BRD4: variants seen among roughly 807,000 people sequenced by gnomAD.
The protein encoded by BRD4 is bromodomain-containing protein 4.
Under a neutral mutation model 142.1 loss-of-function variants are expected in BRD4, and 16 were observed. The ratio of observed to expected loss-of-function variants is 0.11; its 90% CI spans 0.08 to 0.17. BRD4 has a LOEUF of 0.17. Ranked by LOEUF, BRD4 falls within the 10% of genes least tolerant of loss-of-function variation. BRD4 has a pLI of 1.00. For synonymous variants in BRD4, 833 were observed against 707.5 expected (o/e 1.18, Z -2.82); for missense variants, 1,424 against 1,810.9 (o/e 0.79, Z 3.88).
In BRD4 at chr19:15,276,592, C is replaced by G. The variant is rs1296622255; in HGVS notation, c.-34-3459G>C. Among the ~76,000 whole-genome samples, 4 of 152,174 alleles carry G rather than the reference C, an allele frequency of 2.6e-5. No homozygotes were observed. In the East Asian group the frequency reaches 7.7e-4, roughly 29 times the overall value. ...GGTCAGCCCCCTAGGAACCTGAAGG[C>G]AGGCTCATCTTTATTTCACTTTTAT... On this transcript the variant is annotated intron_variant, in intron 1 of 19. Coordinates refer to ENST00000679869, the MANE Select transcript of BRD4 (RefSeq NM_001379291.1).
chr19:15,317,879 G>A (rs536980893), intron 1 of BRD4, among the ~76,000 whole-genome samples: 39 of 152,328 alleles, frequency 2.6e-4, no homozygotes, highest in Non-Finnish European at 5.3e-4. Context: ...AGATGAACAC[G>A]AAGGTGGTAT....
rs879542484 is a variant in BRD4 at position 15,265,750 on chromosome 19, G to A, written c.560-107C>T. On this transcript the variant is annotated intron_variant, in intron 4 of 19. Transcript: ENST00000679869. Reference sequence around the variant, plus strand: ...CACAGTGAACGCACATTCGCGTGTTGCATTTGCCTGAGAGACGAACATCCC... The same window carrying A: ...CACAGTGAACGCACATTCGCGTGTTACATTTGCCTGAGAGACGAACATCCC... The A allele has an allele frequency of 2.0e-5, 24 of 1,224,476 alleles. No individual in the cohort carries two copies. In the African/African-American group the frequency reaches 3.1e-4, roughly 16 times the overall value. 75.9% of individuals were successfully genotyped at this position (1,224,476 alleles called of 1,614,324 possible).
intron 7 of BRD4, 143 bp downstream of exon 7, chr19:15,263,277 C>T: frequency 9.2e-7 from 1 of 1,091,828 alleles, no homozygotes; most frequent in Non-Finnish European, 1.3e-6. Flanking sequence ...ACTAGGCTGA[C>T]TTTAGGCACT....
intron 1 of BRD4, among the ~76,000 whole-genome samples, chr19:15,323,559 C>G (rs1038585911): frequency 6.6e-6 from 1 of 152,164 alleles, no homozygotes; most frequent in African/African-American, 2.4e-5. Flanking sequence ...ACTTTGAAGG[C>G]TAATCCACCC....
Position 15,236,177 on chromosome 19 carries a change from C to T in BRD4, c.*2200G>A, listed in dbSNP as rs1053080627. ...AAAAGAGGGGATGTAGGAGAATAAACAGTGCTAGAAATGTTTCAATCAGTT... is the reference window on the plus strand; with the variant it reads ...AAAAGAGGGGATGTAGGAGAATAAATAGTGCTAGAAATGTTTCAATCAGTT... On this transcript the variant is annotated 3_prime_UTR_variant, in exon 20 of 20. Coordinates refer to ENST00000679869, the MANE Select transcript of BRD4 (RefSeq NM_001379291.1). 6.6e-6 allele frequency: 1 copy of T among 152,170 alleles called. No individual in the cohort carries two copies. Among genetic ancestry groups the T allele is most frequent in the Non-Finnish European group, 1.5e-5 (1 of 68,046 alleles). The allele number at this position is 152,170 out of a possible 1,614,324, so 9.4% of individuals were successfully genotyped here.
chr19:15,244,843 C>A, intron 11 of BRD4, 81 bp from the exon 12 acceptor site: 1 of 1,606,956 alleles, frequency 6.2e-7, no homozygotes, highest in Non-Finnish European at 8.5e-7. Flanking sequence ...GACGAGAAAA[C>A]AGGGCACTTT....
At chr19:15,264,253 G>C in intron 6 of BRD4, 151 bp downstream of exon 6, 2 of 1,042,720 alleles carry the variant, frequency 1.9e-6, no homozygotes, top group Non-Finnish European at 2.7e-6. Flanking sequence ...GACAGCAGGG[G>C]GCGCTGAGTT....
At chr19:15,317,566 A>G (rs538336330) in intron 1 of BRD4, among the ~76,000 whole-genome samples, 8 of 152,308 alleles carry the variant, frequency 5.3e-5, no homozygotes, top group Admixed American at 2.0e-4. Flanking sequence ...CAGAGTCAAC[A>G]AAGATAAGGA....
intron 1 of BRD4, among the ~76,000 whole-genome samples, chr19:15,312,893 G>A (rs1238982894): frequency 4.0e-5 from 6 of 151,468 alleles, no homozygotes; most frequent in Non-Finnish European, 7.4e-5. Context: ...CGGAGGTCAT[G>A]TCATTGCACT....
At chr19:15,277,882 G>A (rs925083679) in intron 1 of BRD4, among the ~76,000 whole-genome samples, 8 of 150,254 alleles carry the variant, frequency 5.3e-5, no homozygotes, top group African/African-American at 7.3e-5. Context: ...CGAGGCAGGC[G>A]GATCACGAGG....
At chr19:15,244,906 G>C (rs1292923477) in intron 11 of BRD4, 144 bp from the exon 12 acceptor site, 1 of 1,425,438 alleles carries the variant, frequency 7.0e-7, no homozygotes, top group Non-Finnish European at 9.5e-7. Flanking sequence ...AATGAGGGAT[G>C]AGTTGGTCAT....
intron 1 of BRD4, among the ~76,000 whole-genome samples, chr19:15,304,689 A>G (rs1281073992): frequency 2.0e-5 from 3 of 152,176 alleles, no homozygotes; most frequent in African/African-American, 4.8e-5. Context: ...ACAAGCAATT[A>G]CTGAATGCTT....
intron 7 of BRD4, among the ~76,000 whole-genome samples, chr19:15,262,971 A>G (rs965555318): frequency 2.6e-5 from 4 of 152,158 alleles, no homozygotes; most frequent in Admixed American, 6.5e-5. Context: ...AGGACCCCCA[A>G]TCAGAATTGT....
intron 1 of BRD4, among the ~76,000 whole-genome samples, chr19:15,306,065 T>C (rs1214793278): frequency 6.6e-6 from 1 of 152,232 alleles, no homozygotes; most frequent in Admixed American, 6.5e-5. Context: ...AGATTAGGCT[T>C]TGGCTTAAGG....
intron 13 of BRD4, among the ~76,000 whole-genome samples, chr19:15,243,797 C>A (rs2047260140): frequency 1.3e-5 from 2 of 152,142 alleles, no homozygotes; most frequent in African/African-American, 4.8e-5. Context: ...TTCCCCAGGC[C>A]CCCAGGAAGG....
chr19:15,269,207 C>A (rs1218996498), intron 2 of BRD4, among the ~76,000 whole-genome samples, 165 bp from the exon 3 acceptor site: 1 of 152,146 alleles, frequency 6.6e-6, no homozygotes, highest in Non-Finnish European at 1.5e-5. Flanking sequence ...AGGGGGAACA[C>A]CAAAATAAAG....
intron 1 of BRD4, among the ~76,000 whole-genome samples, chr19:15,325,774 G>A (rs991896347): frequency 7.2e-5 from 11 of 151,884 alleles, no homozygotes; most frequent in East Asian, 1.9e-4. Flanking sequence ...TGAGGCGGGC[G>A]GATCACCTGA....
rs1398006271 is a variant in BRD4, at chr19:15,244,499, C to T, written c.2313G>A (p.Gln771=). Residue 771 remains glutamine (Q), a synonymous_variant, in exon 13 of 20, where the codon CAG becomes CAA. Transcript: ENST00000679869. ...GCGGGGGTGGCGGCTGCTGTTGCTG[C>T]TGCGGAGGTGGAGGCGGTGGGGGCT... ...PQQPPPPPPP[Q]QQQQPPPPPP... 4.5e-6 allele frequency: 5 copies of T among 1,108,168 alleles called. No individual in the cohort carries two copies. The highest frequency in any genetic ancestry group is 3.1e-5 in the Admixed American group (1 of 32,778). The allele number at this position is 1,108,168 out of a possible 1,614,324, so 68.6% of individuals were successfully genotyped here. A position where few individuals can be genotyped will look rare whatever the true frequency, so the allele number is the denominator to read the frequency against.
chr19:15,299,406 C>T (rs547105065), intron 1 of BRD4, among the ~76,000 whole-genome samples: 1 of 152,322 alleles, frequency 6.6e-6, no homozygotes, highest in South Asian at 2.1e-4. Context: ...CACACTTCCA[C>T]ACATTCCGCA....
Sources: allele counts gnomAD v4.1 joint callset (sites outside exome capture counted in the v4.1 genomes callset), GRCh38; gene constraint gnomAD v4.1.1; transcripts MANE v1.5; gene names NCBI Gene and HGNC (gene_info 2026-07-23, HGNC 2026-07-21).